Variants in CLEC16A observed in about 807,000 individuals in gnomAD.
CLEC16A encodes the protein protein CLEC16A.
Under a neutral mutation model 109.5 loss-of-function variants are expected in CLEC16A, and 51 were observed. The ratio of observed to expected loss-of-function variants is 0.47; its 90% confidence interval spans 0.37 to 0.59. CLEC16A has a LOEUF of 0.59. Among genes scored for constraint, CLEC16A ranks in the 20% least tolerant of loss-of-function variants. The pLI is 0.00. For missense variants in CLEC16A, 1,339 were observed against 1,394.0 expected (o/e 0.96, Z 0.63); for synonymous variants, 673 against 564.2 (o/e 1.19, Z -2.73).
rs145352044 is a variant in CLEC16A, at chr16:11,106,820, T to A, written c.2117-13795T>A. On this transcript the variant is annotated intron_variant, in intron 19 of 23. Coordinates refer to ENST00000409790, the MANE Select transcript of CLEC16A (RefSeq NM_015226.3). Reference sequence around the variant, plus strand: ...TATTTTATTACCCCCCGCCTATAGATGAGACAACTGAAGCAAAGTCACATG... The same window carrying A: ...TATTTTATTACCCCCCGCCTATAGAAGAGACAACTGAAGCAAAGTCACATG... Among the ~76,000 whole-genome samples, 1,243 of 152,318 alleles carry A rather than the reference T, an allele frequency of 8.2e-3. 19 individuals carry two copies. The highest frequency in any genetic ancestry group is 0.028 in the African/African-American group (1,183 of 41,568).
intron 22 of CLEC16A, among the ~76,000 whole-genome samples, chr16:11,128,617 C>G (rs2052991155): frequency 6.6e-6 from 1 of 152,200 alleles, no homozygotes; most frequent in South Asian, 2.1e-4. Flanking sequence ...CCTCGCTGCC[C>G]TCCCACCTTG....
In CLEC16A at chr16:11,178,739, C is replaced by T; in HGVS notation, c.*49C>T. 2.2e-6 allele frequency: 3 copies of T among 1,363,622 alleles called. No homozygotes were observed. Among genetic ancestry groups the T allele is most frequent in the Non-Finnish European group, 1.9e-6 (2 of 1,032,966 alleles). The allele number at this position is 1,363,622 out of a possible 1,614,324, so 84.5% of individuals were successfully genotyped here. ...TGTGTGTGGCCCCGCTGGTAGGGAC[C>T]CCAGTGCCGCTGACTGGCAAGACAC... On this transcript the variant is annotated 3_prime_UTR_variant, in exon 24 of 24. Coordinates refer to ENST00000409790, the MANE Select transcript of CLEC16A (RefSeq NM_015226.3). The surrounding 1 kb of genome is among the most constrained non-coding windows in gnomAD (Gnocchi z 6.5).
At chr16:11,089,920 G>T (rs888085899) in intron 19 of CLEC16A, among the ~76,000 whole-genome samples, 2 of 152,240 alleles carry the variant, frequency 1.3e-5, no homozygotes, top group African/African-American at 4.8e-5. Context: ...GCCAGAAAAG[G>T]CTTCCAGCGG....
intron 19 of CLEC16A, among the ~76,000 whole-genome samples, chr16:11,118,967 G>C (rs2052204405): frequency 6.6e-6 from 1 of 152,014 alleles, no homozygotes; most frequent in East Asian, 1.9e-4. Context: ...CTTTATTTCT[G>C]GGCTCTCTAT....
At chr16:11,026,209 TCTC>T (rs1042815178) in intron 13 of CLEC16A, among the ~76,000 whole-genome samples, 16 of 152,216 alleles carry the variant, frequency 1.1e-4, no homozygotes, top group Admixed American at 8.5e-4. Context: ...AATATTATCT[TCTC>T]CTTGATTTTC....
intron 3 of CLEC16A, 118 bp downstream of exon 3, chr16:10,962,706 A>G (rs1567509082): frequency 1.9e-6 from 2 of 1,076,382 alleles, no homozygotes; most frequent in East Asian, 4.8e-5. Context: ...CTAACAAAAT[A>G]CCATAGACTG....
chr16:11,086,470 G>C (rs1044318488), intron 19 of CLEC16A, among the ~76,000 whole-genome samples: 1 of 152,246 alleles, frequency 6.6e-6, no homozygotes, highest in African/African-American at 2.4e-5. Flanking sequence ...CTCACTGGTA[G>C]GTAATTTCCT....
chr16:10,977,878 G>C (rs1208578021), intron 8 of CLEC16A, among the ~76,000 whole-genome samples: 2 of 152,200 alleles, frequency 1.3e-5, no homozygotes, highest in East Asian at 3.9e-4. Flanking sequence ...CTTATTTCCT[G>C]AGACAGAGAC....
chr16:11,083,151 GTTTGT>G (rs748090626), intron 19 of CLEC16A, among the ~76,000 whole-genome samples: 22 of 99,838 alleles, frequency 2.2e-4, no homozygotes, highest in African/African-American at 5.2e-4. Flanking sequence ...TGTTGTTGTT[GTTTGT>G]TTGTTTGTTT....
At chr16:11,103,777 G>A (rs1308648481) in intron 19 of CLEC16A, among the ~76,000 whole-genome samples, 1 of 152,022 alleles carries the variant, frequency 6.6e-6, no homozygotes, top group Non-Finnish European at 1.5e-5. Context: ...CATCTCTGTG[G>A]TCCTCTTTGC....
intron 21 of CLEC16A, among the ~76,000 whole-genome samples, chr16:11,124,848 A>C (rs567577984): frequency 6.6e-6 from 1 of 152,188 alleles, no homozygotes; most frequent in Admixed American, 6.5e-5. Context: ...GCACTTCGGG[A>C]GGCCAAGGCG....
At chr16:11,156,832 C>G (rs903857978) in intron 22 of CLEC16A, 1 of 478,102 alleles carries the variant, frequency 2.1e-6, no homozygotes, top group Non-Finnish European at 3.8e-6. Flanking sequence ...CCTGTGTCCC[C>G]CATGTGCCAT....
At chr16:11,073,478 G>A (rs145976984) in intron 19 of CLEC16A, among the ~76,000 whole-genome samples, 43 of 152,166 alleles carry the variant, frequency 2.8e-4, no homozygotes, top group Admixed American at 1.2e-3. Context: ...CTTGCGCCAC[G>A]CTGCTTCATC....
intron 11 of CLEC16A, among the ~76,000 whole-genome samples, chr16:11,009,458 G>C (rs906800076): frequency 1.3e-5 from 2 of 152,230 alleles, no homozygotes; most frequent in Non-Finnish European, 2.9e-5. Context: ...AGAGGCTGCA[G>C]AGGGTCTGGG....
chr16:11,124,455 TG>T, intron 21 of CLEC16A, among the ~76,000 whole-genome samples: 1 of 152,200 alleles, frequency 6.6e-6, no homozygotes, highest in African/African-American at 2.4e-5. Flanking sequence ...GAGGCAGCCC[TG>T]CTTGGTGAAA....
intron 11 of CLEC16A, among the ~76,000 whole-genome samples, chr16:11,004,130 C>A (rs1348492768): frequency 6.6e-6 from 1 of 152,106 alleles, no homozygotes. Flanking sequence ...ATCATTCATT[C>A]CTCCTTTTGC....
intron 22 of CLEC16A, among the ~76,000 whole-genome samples, chr16:11,161,718 C>G (rs139982884): frequency 1.3e-5 from 2 of 152,344 alleles, no homozygotes; most frequent in Non-Finnish European, 2.9e-5. Flanking sequence ...CTGCTCATCT[C>G]TCTCCCGTTG....
chr16:11,069,405 A>C (rs2152922912), intron 19 of CLEC16A, among the ~76,000 whole-genome samples: 1 of 151,950 alleles, frequency 6.6e-6, no homozygotes, highest in African/African-American at 2.4e-5. Context: ...TTGGGATTAT[A>C]GGCATGAGTC....
At chr16:11,126,409 A>G in intron 22 of CLEC16A, 1 of 1,423,202 alleles carries the variant, frequency 7.0e-7, no homozygotes, top group Non-Finnish European at 9.2e-7. Flanking sequence ...ATTGACTAAG[A>G]ATTTTCTTGG....
Sources: allele counts gnomAD v4.1 joint callset (sites outside exome capture counted in the v4.1 genomes callset), GRCh38; gene constraint gnomAD v4.1.1; non-coding constraint Gnocchi (gnomAD v3.1); transcripts MANE v1.5; gene names NCBI Gene and HGNC (gene_info 2026-07-23, HGNC 2026-07-21).